The following FREM2 variants were observed in gnomAD, a reference collection of about 807,000 sequenced individuals.
FREM2 encodes the protein FRAS1-related extracellular matrix protein 2.
FREM2 carries 119 observed loss-of-function variants against 219.9 expected under a neutral mutation model. That is an observed-to-expected ratio of 0.54 (90% CI 0.47 to 0.63). The LOEUF (loss-of-function observed/expected upper bound fraction) is 0.63. Among genes scored for constraint, FREM2 ranks in the 30% least tolerant of loss-of-function variants. The pLI, the probability that FREM2 is intolerant of heterozygous loss-of-function variation, is 0.00. For synonymous variants in FREM2, 1,562 were observed against 1,522.8 expected, an observed-to-expected ratio of 1.03 and a Z score of -0.60; for missense variants, 4,030 against 3,993.6, an observed-to-expected ratio of 1.01 and a Z score of -0.25.
intron 2 of FREM2, 70 bp from the exon 3 acceptor site, chr13:38,764,234 A>C (rs1873346738): frequency 1.9e-6 from 2 of 1,073,962 alleles, no homozygotes; most frequent in African/African-American, 1.6e-5. Flanking sequence ...CATTAAAGTA[A>C]TCTGTGGAAT....
In FREM2 at chr13:38,877,107, T is replaced by G. The variant is rs760827545; in HGVS notation, c.8545-10T>G. ...CTGATGCATAAAAGAACTTTTACCT[T>G]TGGTTTTAGGTCAGTGATCCAGTGG... On this transcript the variant is annotated splice_polypyrimidine_tract_variant and intron_variant, in intron 20 of 23. Coordinates refer to ENST00000280481, the MANE Select transcript of FREM2 (RefSeq NM_207361.6). 2.5e-5 allele frequency: 41 copies of G among 1,613,972 alleles called. No individual in the cohort carries two copies. In the East Asian group the frequency reaches 8.5e-4, roughly 33 times the overall value.
chr13:38,715,441 A>G (rs892649082), intron 2 of FREM2, among the ~76,000 whole-genome samples: 1 of 152,182 alleles, frequency 6.6e-6, no homozygotes, highest in Non-Finnish European at 1.5e-5. Context: ...TAGGAGCAGA[A>G]GGAGATGCAC....
At chr13:38,837,593 T>C (rs1876762396) in intron 6 of FREM2, among the ~76,000 whole-genome samples, 1 of 152,170 alleles carries the variant, frequency 6.6e-6, no homozygotes, top group Non-Finnish European at 1.5e-5. Flanking sequence ...TGTAGGTCTC[T>C]GAGAACTTGC....
intron 2 of FREM2, among the ~76,000 whole-genome samples, chr13:38,716,205 CAAAGA>C (rs1340515498): frequency 2.0e-5 from 3 of 152,162 alleles, no homozygotes; most frequent in Non-Finnish European, 4.4e-5. Context: ...TCACCCATGA[CAAAGA>C]CCTTTACAGA....
At chr13:38,769,940 A>T in intron 4 of FREM2, 132 bp downstream of exon 4, 1 of 734,808 alleles carries the variant, frequency 1.4e-6, no homozygotes. Flanking sequence ...TAGATTAATG[A>T]TTCATTATTC....
At chr13:38,833,963 G>A (rs1047618560) in intron 6 of FREM2, among the ~76,000 whole-genome samples, 2 of 152,054 alleles carry the variant, frequency 1.3e-5, no homozygotes, top group African/African-American at 4.8e-5. Context: ...TGCTTATCGA[G>A]TATATTAACA....
chr13:38,746,386 C>T (rs1872486367), intron 2 of FREM2, among the ~76,000 whole-genome samples: 1 of 152,108 alleles, frequency 6.6e-6, no homozygotes, highest in Non-Finnish European at 1.5e-5. Context: ...AAGGTTCGCT[C>T]AAGATTTTGC....
Position 38,886,749 on chromosome 13 carries a change from T to C in FREM2, c.*5962T>C, listed in dbSNP as rs1878746338. 1 of 152,220 alleles carries C rather than the reference T, an allele frequency of 6.6e-6. No homozygotes were observed. The highest frequency in any genetic ancestry group is 6.5e-5 in the Admixed American group (1 of 15,284). 9.4% of individuals were successfully genotyped at this position (152,220 alleles called of 1,614,324 possible). On this transcript the variant is annotated 3_prime_UTR_variant, in exon 24 of 24. Transcript: ENST00000280481. ...GAAAACTCTTGGACAAGGAGCTTTGTGTTTTATAATTGTATTACGTGCCTG... is the reference window on the plus strand; with the variant it reads ...GAAAACTCTTGGACAAGGAGCTTTGCGTTTTATAATTGTATTACGTGCCTG...
chr13:38,797,097 AG>A (rs752906323), intron 6 of FREM2, among the ~76,000 whole-genome samples: 5 of 150,688 alleles, frequency 3.3e-5, no homozygotes, highest in Non-Finnish European at 7.4e-5. Flanking sequence ...AGGCTGGTCT[AG>A]AACTCCTGAC....
At chr13:38,758,897 G>A (rs1873122024) in intron 2 of FREM2, among the ~76,000 whole-genome samples, 1 of 152,176 alleles carries the variant, frequency 6.6e-6, no homozygotes, top group Admixed American at 6.5e-5. Context: ...GCCCAGTGCA[G>A]TGGCTTACAC....
At chr13:38,877,394 G>GTA in intron 21 of FREM2, 151 bp downstream of exon 21, 1 of 890,678 alleles carries the variant, frequency 1.1e-6, no homozygotes, top group Non-Finnish European at 1.9e-6. Context: ...GCTGGTGTGG[G>GTA]AAGTCGTTGC....
At chr13:38,876,404 T>C (rs1345927881) in intron 20 of FREM2, 22 bp downstream of exon 20, 1 of 1,604,702 alleles carries the variant, frequency 6.2e-7, no homozygotes, top group Non-Finnish European at 8.5e-7. Flanking sequence ...AGAATTACTA[T>C]CTTATGACTT....
At chr13:38,850,329 A>C in intron 9 of FREM2, 94 bp downstream of exon 9, 1 of 1,008,034 alleles carries the variant, frequency 9.9e-7, no homozygotes, top group Non-Finnish European at 1.5e-6. Context: ...CCTCGATATC[A>C]ACAAGCATAT....
intron 2 of FREM2, among the ~76,000 whole-genome samples, chr13:38,714,286 A>T (rs992977015): frequency 5.3e-5 from 8 of 152,254 alleles, no homozygotes; most frequent in African/African-American, 1.9e-4. Flanking sequence ...GAGTTAAGGG[A>T]TATGACCACA....
rs778306653 is a variant in FREM2, at chr13:38,859,572, A to G, written c.7501A>G (p.Thr2501Ala). The change falls in exon 14 of 24, where the codon ACC (threonine) becomes GCC (alanine). Residue 2501 changes from threonine (T) to alanine (A), a missense_variant. By Grantham distance (58) the Thr-to-Ala change is moderately conservative. Around this residue, in one of 2 missense-constraint regions of FREM2, gnomAD observed 928 missense variants for 1,042.9 expected, o/e 0.89. Transcript: ENST00000280481. ...CCTGGAGCTCATGAGCCCTATTGTA[A>G]CCATCAGCAGAGAAGAAGGTCAGTC... The part of the protein sequence containing the change: ...EGLELMSPIV[T>A]ISREEGLCQP... 1 of 1,613,974 alleles carries G rather than the reference A, an allele frequency of 6.2e-7. No individual in the cohort carries two copies. Among genetic ancestry groups the G allele is most frequent in the South Asian group, 1.1e-5 (1 of 91,042 alleles).
chr13:38,760,379 C>G (rs1367039934), intron 2 of FREM2, among the ~76,000 whole-genome samples: 1 of 152,174 alleles, frequency 6.6e-6, no homozygotes, highest in East Asian at 1.9e-4. Flanking sequence ...GCAACTTCGT[C>G]CTTTCAGAAC....
rs748255809 is a variant in FREM2, at chr13:38,688,426, C to T, written c.1082C>T (p.Ser361Phe). 6.2e-7 allele frequency: 1 copy of T among 1,613,996 alleles called. No homozygotes were observed. The highest frequency in any genetic ancestry group is 8.5e-7 in the Non-Finnish European group (1 of 1,179,932). ...PSDLLIFNLT[S>F]PFQPGQGYLV... ...GACCTGTTGATCTTCAACCTTACTTCTCCATTCCAGCCTGGCCAGGGCTAC... is the reference window on the plus strand; with the variant it reads ...GACCTGTTGATCTTCAACCTTACTTTTCCATTCCAGCCTGGCCAGGGCTAC... Residue 361 changes from serine to phenylalanine, a missense_variant, in exon 1 of 24, where the codon TCT becomes TTT. This residue lies in a region of FREM2 where 3,102 missense variants were observed against 2,950.7 expected (regional missense o/e 1.05). Transcript: ENST00000280481.
rs1461638622 is a variant in FREM2 at position 38,769,903 on chromosome 13, T to A, written c.5641+95T>A. ...ATAGCTTACAGTTTTAAATTCAATGTTTGAAATTTCCATAGAGAGAACCTT... is the reference window on the plus strand; with the variant it reads ...ATAGCTTACAGTTTTAAATTCAATGATTGAAATTTCCATAGAGAGAACCTT... On this transcript the variant is annotated intron_variant, in intron 4 of 23. Coordinates refer to ENST00000280481, the MANE Select transcript of FREM2 (RefSeq NM_207361.6). The A allele has an allele frequency of 6.5e-6, 6 of 917,404 alleles. No homozygotes were observed. The East Asian group carries it at 1.5e-4, about 23-fold the overall frequency. 56.8% of individuals were successfully genotyped at this position (917,404 alleles called of 1,614,324 possible). A position where few individuals can be genotyped will look rare whatever the true frequency, so the allele number is the denominator to read the frequency against.
rs1335389876 is a variant in FREM2, at chr13:38,864,362, G to A, written c.7739G>A (p.Cys2580Tyr). The A allele has an allele frequency of 6.2e-7, 1 of 1,613,958 alleles. No homozygotes were observed. The highest frequency in any genetic ancestry group is 8.5e-7 in the Non-Finnish European group (1 of 1,179,938). Reference protein sequence around the residue: ...PDGTRVGNHKCSNLLDYTEVK... With the variant: ...PDGTRVGNHKYSNLLDYTEVK... Reference sequence around the variant, plus strand: ...GGCACAAGAGTTGGAAACCACAAGTGCTCCAACCTCCTGGATTATACTGAA... The same window carrying A: ...GGCACAAGAGTTGGAAACCACAAGTACTCCAACCTCCTGGATTATACTGAA... Residue 2580 changes from cysteine to tyrosine, a missense_variant, in exon 16 of 24, where the codon TGC (cysteine) becomes TAC (tyrosine). Coordinates refer to ENST00000280481, the MANE Select transcript of FREM2 (RefSeq NM_207361.6).
Sources: gnomAD v4.1 joint callset for allele counts (sites outside exome capture counted in the v4.1 genomes callset) on GRCh38, gnomAD v4.1.1 for gene constraint, gnomAD v4.1.1 regional missense constraint, MANE v1.5 for transcripts, NCBI Gene and HGNC (gene_info 2026-07-23, HGNC 2026-07-21) for gene names.